FHIT: variants seen among roughly 807,000 people sequenced by gnomAD.
FHIT encodes the protein bis(5'-adenosyl)-triphosphatase.
In FHIT, 19 loss-of-function variants were observed where a neutral mutation model predicts 17.9. The observed-to-expected ratio is 1.06, with a 90% CI of 0.74 to 1.56. The LOEUF (loss-of-function observed/expected upper bound fraction) is 1.56. Among genes scored for constraint, FHIT ranks in the 40% most tolerant of loss-of-function variants. The pLI is 0.00. For synonymous variants in FHIT, 81 were observed against 69.7 expected (o/e 1.16, Z -0.81); for missense variants, 248 against 189.2 (o/e 1.31, Z -1.82).
intron 8 of FHIT, among the ~76,000 whole-genome samples, chr3:59,820,511 C>A (rs566482070): frequency 1.4e-4 from 22 of 152,322 alleles, no homozygotes; most frequent in African/African-American, 5.3e-4. Flanking sequence ...CAGGATGGGA[C>A]AAACTACATC....
chr3:60,174,257 A>T, intron 5 of FHIT, among the ~76,000 whole-genome samples: 1 of 151,792 alleles, frequency 6.6e-6, no homozygotes, highest in Non-Finnish European at 1.5e-5. Context: ...AAGAAAAAAA[A>T]ATCTTATGGC....
chr3:60,879,038 A>G (rs6769253), intron 3 of FHIT, among the ~76,000 whole-genome samples: 36,221 of 152,034 alleles, frequency 0.24, 4,794 homozygotes, highest in African/African-American at 0.33. Flanking sequence ...TGGTATTTCT[A>G]ACTCTAGATC....
At chr3:60,463,519 C>T (rs571958957) in intron 5 of FHIT, among the ~76,000 whole-genome samples, 1 of 152,252 alleles carries the variant, frequency 6.6e-6, no homozygotes, top group Middle Eastern at 3.4e-3. Context: ...TCCTCTCCCC[C>T]GCCATCCTTT....
At chr3:60,356,142 G>A (rs1272989309) in intron 5 of FHIT, among the ~76,000 whole-genome samples, 2 of 152,122 alleles carry the variant, frequency 1.3e-5, no homozygotes, top group East Asian at 1.9e-4. Context: ...ATTTATGAGT[G>A]GTATTTAAAA....
intron 5 of FHIT, among the ~76,000 whole-genome samples, chr3:60,403,692 A>G (rs1701748762): frequency 6.6e-6 from 1 of 152,116 alleles, no homozygotes; most frequent in African/African-American, 2.4e-5. Flanking sequence ...GAATGCAGAC[A>G]CACCTTGCTG....
intron 4 of FHIT, among the ~76,000 whole-genome samples, chr3:60,741,534 C>T (rs1186791478): frequency 6.6e-6 from 1 of 152,226 alleles, no homozygotes; most frequent in Admixed American, 6.5e-5. Flanking sequence ...AAGACAGACT[C>T]CACTCGGACT....
At chr3:60,824,695 G>A (rs1319060845) in intron 3 of FHIT, among the ~76,000 whole-genome samples, 1 of 152,010 alleles carries the variant, frequency 6.6e-6, no homozygotes, top group Non-Finnish European at 1.5e-5. Flanking sequence ...TTGAATCATG[G>A]GGGTGGGTCT....
At chr3:60,489,858 C>T (rs916049112) in intron 5 of FHIT, among the ~76,000 whole-genome samples, 3 of 152,114 alleles carry the variant, frequency 2.0e-5, no homozygotes, top group African/African-American at 7.2e-5. Flanking sequence ...AGAAATCCTT[C>T]AAGTTTCCCA....
intron 5 of FHIT, among the ~76,000 whole-genome samples, chr3:60,131,384 C>T (rs1699590480): frequency 6.6e-6 from 1 of 151,972 alleles, no homozygotes; most frequent in Admixed American, 6.6e-5. Context: ...ATGAAATTCA[C>T]ACACGCAGAG....
intron 2 of FHIT, among the ~76,000 whole-genome samples, chr3:61,069,479 T>C (rs1050087726): frequency 3.3e-5 from 5 of 152,174 alleles, no homozygotes; most frequent in African/African-American, 1.2e-4. Flanking sequence ...TTAAGGACTG[T>C]TATGGTAGGT....
In FHIT at chr3:60,708,172, T is replaced by A. The variant is rs78852124; in HGVS notation, c.-18+113747A>T. Reference sequence around the variant, plus strand: ...TATCCTAGTAATTATGGAATTAGTATCAGCAAACGGATTCCTAAGCTAGAA... The same window carrying A: ...TATCCTAGTAATTATGGAATTAGTAACAGCAAACGGATTCCTAAGCTAGAA... On this transcript the variant is annotated intron_variant, in intron 4 of 9. Transcript: ENST00000492590. Among the ~76,000 whole-genome samples the A allele has an allele frequency of 3.3e-4, 51 of 152,322 alleles. No homozygotes were observed. In the East Asian group the frequency reaches 8.7e-3, roughly 26 times the overall value.
intron 4 of FHIT, among the ~76,000 whole-genome samples, chr3:60,711,078 T>C (rs1201753157): frequency 1.3e-5 from 2 of 152,084 alleles, no homozygotes; most frequent in Non-Finnish European, 2.9e-5. Flanking sequence ...GAGACAATAC[T>C]TCCAGAGGAA....
chr3:60,274,236 T>C (rs1707011754), intron 5 of FHIT, among the ~76,000 whole-genome samples: 1 of 152,132 alleles, frequency 6.6e-6, no homozygotes, highest in South Asian at 2.1e-4. Context: ...ATGTGTCTCA[T>C]TCTTGGTTGA....
At chr3:59,803,355 T>C (rs1394985603) in intron 8 of FHIT, among the ~76,000 whole-genome samples, 1 of 152,136 alleles carries the variant, frequency 6.6e-6, no homozygotes, top group Non-Finnish European at 1.5e-5. Context: ...AAGGATTCTG[T>C]TTTAAGATCA....
intron 8 of FHIT, among the ~76,000 whole-genome samples, chr3:59,803,066 C>T (rs1368278437): frequency 2.6e-5 from 4 of 152,136 alleles, no homozygotes; most frequent in African/African-American, 7.2e-5. Flanking sequence ...TGCATACATA[C>T]CAGGCACGGG....
intron 4 of FHIT, among the ~76,000 whole-genome samples, chr3:60,792,452 C>T (rs1303875214): frequency 2.0e-5 from 3 of 152,198 alleles, no homozygotes; most frequent in Non-Finnish European, 4.4e-5. Flanking sequence ...TGCAGTCACA[C>T]ATTCAGGATA....
At chr3:60,758,986 G>C (rs1243762927) in intron 4 of FHIT, among the ~76,000 whole-genome samples, 1 of 152,160 alleles carries the variant, frequency 6.6e-6, no homozygotes, top group Non-Finnish European at 1.5e-5. Flanking sequence ...CTACGGCGAT[G>C]TCCAGGGCAA....
intron 8 of FHIT, among the ~76,000 whole-genome samples, chr3:59,754,876 G>T (rs1304164671): frequency 6.6e-6 from 1 of 152,068 alleles, no homozygotes; most frequent in African/African-American, 2.4e-5. Context: ...GAAGCATGTG[G>T]TTCTGTTTAG....
intron 5 of FHIT, among the ~76,000 whole-genome samples, chr3:60,359,169 T>A (rs1699793136): frequency 6.6e-6 from 1 of 152,012 alleles, no homozygotes; most frequent in Non-Finnish European, 1.5e-5. Context: ...ACAGCAGAGA[T>A]TTTCCACATC....
Sources: allele counts gnomAD v4.1 joint callset (sites outside exome capture counted in the v4.1 genomes callset), GRCh38; gene constraint gnomAD v4.1.1; transcripts MANE v1.5; gene names NCBI Gene and HGNC (gene_info 2026-07-23, HGNC 2026-07-21).